The following SGCZ variants were observed in gnomAD, a reference collection of about 807,000 sequenced individuals.
SGCZ encodes sarcoglycan zeta.
SGCZ carries 40 observed loss-of-function variants against 41.3 expected under a neutral mutation model. The observed-to-expected ratio is 0.97, with a 90% confidence interval of 0.75 to 1.26. The LOEUF is 1.26. SGCZ is among the 50% of genes most tolerant of loss of function. The pLI, the probability that SGCZ is intolerant of heterozygous loss-of-function variation, is 0.00. For missense variants in SGCZ, 552 were observed against 369.8 expected (o/e 1.49, Z -4.04); for synonymous variants, 206 against 137.5 (o/e 1.50, Z -3.49).
chr8:15,190,298 A>G lies in SGCZ; in HGVS notation c.39+47287T>C, dbSNP rs111914316. 4.3e-3 allele frequency among the ~76,000 whole-genome samples: 654 copies of G among 152,226 alleles called. 6 individuals are homozygous for G. The highest frequency in any genetic ancestry group is 0.015 in the African/African-American group (621 of 41,550). On this transcript the variant is annotated intron_variant, in intron 1 of 7. Transcript: ENST00000382080. Reference sequence around the variant, plus strand: ...GAACAACCTATGTATATTATTTGTAAACAAATCAGGAAAGATGAAATGAAA... The same window carrying G: ...GAACAACCTATGTATATTATTTGTAGACAAATCAGGAAAGATGAAATGAAA...
intron 1 of SGCZ, among the ~76,000 whole-genome samples, chr8:14,991,580 G>C (rs1486265338): frequency 6.6e-6 from 1 of 152,078 alleles, no homozygotes; most frequent in Non-Finnish European, 1.5e-5. Flanking sequence ...TGCCCAGTAT[G>C]TCCATAGCAA....
At chr8:15,017,741 A>C (rs1803092690) in intron 1 of SGCZ, among the ~76,000 whole-genome samples, 1 of 152,254 alleles carries the variant, frequency 6.6e-6, no homozygotes, top group African/African-American at 2.4e-5. Context: ...CCTGGGCTCA[A>C]GTGATCTGCC....
chr8:14,479,763 T>C (rs1801480319), intron 2 of SGCZ, among the ~76,000 whole-genome samples: 1 of 86,898 alleles, frequency 1.2e-5, no homozygotes, highest in South Asian at 3.1e-4. Context: ...TTTTTTTTTA[T>C]TTGAGATGGA....
chr8:14,904,791 G>T (rs539974259), intron 1 of SGCZ, among the ~76,000 whole-genome samples: 1 of 151,704 alleles, frequency 6.6e-6, no homozygotes, highest in African/African-American at 2.4e-5. Context: ...TACACTTTTT[G>T]CCAGTAATTC....
chr8:14,687,607 G>C (rs1195314913), intron 1 of SGCZ, among the ~76,000 whole-genome samples: 1 of 151,662 alleles, frequency 6.6e-6, no homozygotes, highest in East Asian at 1.9e-4. Context: ...TTGGACATTT[G>C]GCTTGGTTCC....
At chr8:14,129,065 G>C (rs1056003869) in intron 5 of SGCZ, among the ~76,000 whole-genome samples, 3 of 152,042 alleles carry the variant, frequency 2.0e-5, no homozygotes, top group Non-Finnish European at 4.4e-5. Flanking sequence ...CCTTCTCTTG[G>C]GTCGGGCATG....
At chr8:14,169,797 C>A (rs1319983112) in intron 4 of SGCZ, among the ~76,000 whole-genome samples, 9 of 152,068 alleles carry the variant, frequency 5.9e-5, no homozygotes, top group Non-Finnish European at 1.2e-4. Flanking sequence ...CTATAGGTAC[C>A]GAGCATGATA....
At chr8:14,284,571 G>A (rs923824825) in intron 3 of SGCZ, among the ~76,000 whole-genome samples, 1 of 152,032 alleles carries the variant, frequency 6.6e-6, no homozygotes, top group South Asian at 2.1e-4. Flanking sequence ...GATAATCTTT[G>A]TCTTCTAATT....
At chr8:14,310,614 G>C (rs1199513746) in intron 3 of SGCZ, among the ~76,000 whole-genome samples, 1 of 152,102 alleles carries the variant, frequency 6.6e-6, no homozygotes, top group Non-Finnish European at 1.5e-5. Flanking sequence ...GGCTCAAGGA[G>C]TAAAGCAGTC....
At chr8:14,776,001 C>T (rs1254136343) in intron 1 of SGCZ, among the ~76,000 whole-genome samples, 1 of 152,018 alleles carries the variant, frequency 6.6e-6, no homozygotes, top group Non-Finnish European at 1.5e-5. Context: ...AACACAGAAA[C>T]GTCATCACAT....
intron 5 of SGCZ, among the ~76,000 whole-genome samples, chr8:14,152,194 G>T (rs1488715016): frequency 6.6e-6 from 1 of 151,794 alleles, no homozygotes; most frequent in Non-Finnish European, 1.5e-5. Context: ...TCCTATAGAG[G>T]ACTGTTACCT....
rs576719755 is a variant in SGCZ, at chr8:14,236,740, G to C, written c.424+852C>G. On this transcript the variant is annotated intron_variant, in intron 4 of 7. Coordinates refer to ENST00000382080, the MANE Select transcript of SGCZ (RefSeq NM_139167.4). ...GTTTATGGTAAGTAATTTCTCTGCA[G>C]AACCAATACAGTGTTACAAAAATAA... Among the ~76,000 whole-genome samples the C allele has an allele frequency of 1.5e-3, 230 of 151,524 alleles. 2 individuals are homozygous for C. The highest frequency in any genetic ancestry group is 5.4e-3 in the African/African-American group (224 of 41,504).
intron 5 of SGCZ, among the ~76,000 whole-genome samples, chr8:14,121,485 T>A (rs59376398): frequency 0.14 from 20,571 of 152,132 alleles, 1,430 homozygotes; most frequent in African/African-American, 0.16. Flanking sequence ...TTAAAAAATA[T>A]GTGATATCTT....
intron 1 of SGCZ, among the ~76,000 whole-genome samples, chr8:14,615,706 A>G (rs1478466690): frequency 6.6e-6 from 1 of 152,192 alleles, no homozygotes; most frequent in South Asian, 2.1e-4. Context: ...CCTTAAATAA[A>G]GCAATAGTTA....
chr8:14,203,556 A>G (rs534809238), intron 4 of SGCZ, among the ~76,000 whole-genome samples: 1 of 152,272 alleles, frequency 6.6e-6, no homozygotes, highest in South Asian at 2.1e-4. Flanking sequence ...TCTTTTATAT[A>G]ATTTTCTTGC....
At chr8:14,827,003 C>T (rs1333946591) in intron 1 of SGCZ, among the ~76,000 whole-genome samples, 1 of 151,988 alleles carries the variant, frequency 6.6e-6, no homozygotes, top group Non-Finnish European at 1.5e-5. Flanking sequence ...ACATGAAGTC[C>T]TTGCCCATGC....
intron 1 of SGCZ, among the ~76,000 whole-genome samples, chr8:14,790,802 G>T (rs1800925344): frequency 6.6e-6 from 1 of 152,100 alleles, no homozygotes; most frequent in Admixed American, 6.6e-5. Flanking sequence ...AGGTCAAGGT[G>T]GGTGGATTAC....
At chr8:15,209,906 A>G (rs922229388) in intron 1 of SGCZ, among the ~76,000 whole-genome samples, 4 of 152,188 alleles carry the variant, frequency 2.6e-5, no homozygotes, top group Admixed American at 6.5e-5. Context: ...TTTAGTTATG[A>G]GCATAGGATG....
intron 4 of SGCZ, among the ~76,000 whole-genome samples, chr8:14,216,401 T>C (rs985637799): frequency 2.6e-5 from 4 of 152,026 alleles, no homozygotes; most frequent in Non-Finnish European, 5.9e-5. Flanking sequence ...ATTTGTCTTA[T>C]GAGGCCAGCG....
Sources: allele counts gnomAD v4.1 joint callset (sites outside exome capture counted in the v4.1 genomes callset), GRCh38; gene constraint gnomAD v4.1.1; transcripts MANE v1.5; gene names NCBI Gene and HGNC (gene_info 2026-07-23, HGNC 2026-07-21).